Variants in IL15 observed in about 807,000 individuals in gnomAD.
IL15 encodes interleukin-15.
Under a neutral mutation model 19.6 loss-of-function variants are expected in IL15, and 11 were observed. That is an observed-to-expected ratio of 0.56 (90% CI 0.35 to 0.93). The LOEUF (loss-of-function observed/expected upper bound fraction) is 0.93. Ranked by LOEUF, IL15 falls within the 40% of genes least tolerant of loss-of-function variation. The pLI, the probability that IL15 is intolerant of heterozygous loss-of-function variation, is 0.01. For missense variants in IL15, 197 were observed against 186.5 expected, an observed-to-expected ratio of 1.06 and a Z score of -0.33; for synonymous variants, 58 against 59.6, an observed-to-expected ratio of 0.97 and a Z score of 0.12.
chr4:141,728,502 A>G (rs3775597), intron 6 of IL15, among the ~76,000 whole-genome samples: 20,609 of 152,112 alleles, frequency 0.14, 1,857 homozygotes, highest in East Asian at 0.41. Flanking sequence ...GAACTGAAAA[A>G]TGGTCTTGAA....
intron 6 of IL15, among the ~76,000 whole-genome samples, chr4:141,729,353 A>G (rs986124070): frequency 6.6e-6 from 1 of 152,138 alleles, no homozygotes; most frequent in East Asian, 1.9e-4. Context: ...CTGTAAGTGG[A>G]CACTAGTCCT....
At chr4:141,678,200 T>A (rs1728415044) in intron 2 of IL15, among the ~76,000 whole-genome samples, 1 of 152,226 alleles carries the variant, frequency 6.6e-6, no homozygotes. Flanking sequence ...GGTTTTGTTA[T>A]GCCCCATATA....
intron 2 of IL15, among the ~76,000 whole-genome samples, chr4:141,685,010 T>C (rs1005656664): frequency 3.3e-5 from 5 of 152,094 alleles, no homozygotes; most frequent in African/African-American, 1.2e-4. Flanking sequence ...CAAAACCAAG[T>C]AGGGAATTAC....
chr4:141,710,778 T>C (rs1729691178), intron 2 of IL15, among the ~76,000 whole-genome samples: 1 of 152,160 alleles, frequency 6.6e-6, no homozygotes, highest in Non-Finnish European at 1.5e-5. Flanking sequence ...AAATTATACA[T>C]GTCTGGCTTG....
intron 2 of IL15, among the ~76,000 whole-genome samples, chr4:141,667,920 T>G (rs910378832): frequency 6.6e-6 from 1 of 152,218 alleles, no homozygotes; most frequent in Non-Finnish European, 1.5e-5. Context: ...ATTCTTTCTC[T>G]TATTTTAATT....
chr4:141,694,790 A>C (rs1364186148), intron 2 of IL15, among the ~76,000 whole-genome samples: 1 of 152,126 alleles, frequency 6.6e-6, no homozygotes, highest in Admixed American at 6.5e-5. Flanking sequence ...ACTTTCAAAA[A>C]ACTCTGGACT....
At chr4:141,719,512 T>C in intron 3 of IL15, 36 bp downstream of exon 3, 1 of 1,336,006 alleles carries the variant, frequency 7.5e-7, no homozygotes, top group Non-Finnish European at 1.1e-6. Context: ...TCCTATGGAA[T>C]TTCCCTTAAA....
chr4:141,693,458 A>AT, intron 2 of IL15, among the ~76,000 whole-genome samples: 1 of 152,350 alleles, frequency 6.6e-6, no homozygotes, highest in Non-Finnish European at 1.5e-5. Context: ...CCTGACACAT[A>AT]CGGGATATTC....
chr4:141,675,238 G>A (rs1159024358), intron 2 of IL15, among the ~76,000 whole-genome samples: 1 of 151,256 alleles, frequency 6.6e-6, no homozygotes, highest in East Asian at 1.9e-4. Flanking sequence ...GGAGATACTA[G>A]TCTCTTTTAT....
At chr4:141,694,102 C>T (rs1463553637) in intron 2 of IL15, among the ~76,000 whole-genome samples, 1 of 152,112 alleles carries the variant, frequency 6.6e-6, no homozygotes, top group African/African-American at 2.4e-5. Flanking sequence ...GGTAGTGGCA[C>T]AGTTTATCTA....
At chr4:141,651,251 A>T (rs1388391995) in intron 1 of IL15, among the ~76,000 whole-genome samples, 1 of 152,010 alleles carries the variant, frequency 6.6e-6, no homozygotes, top group Non-Finnish European at 1.5e-5. Flanking sequence ...CTATTCAGCC[A>T]TAAAAATATT....
intron 2 of IL15, among the ~76,000 whole-genome samples, chr4:141,673,016 G>A (rs1304540727): frequency 6.6e-6 from 1 of 152,142 alleles, no homozygotes; most frequent in African/African-American, 2.4e-5. Flanking sequence ...GCTGCTGTGA[G>A]CTTTTCTTTC....
chr4:141,710,783 G>GC (rs1047480282), intron 2 of IL15, among the ~76,000 whole-genome samples: 88 of 151,124 alleles, frequency 5.8e-4, no homozygotes, highest in African/African-American at 2.0e-3. Context: ...ATACATGTCT[G>GC]GCTTGGGTTT....
rs1002697099 is a variant in IL15 at position 141,683,579 on chromosome 4, AAAAAAAG to A, written c.-100+27286_-100+27292del. On this transcript the variant is annotated intron_variant, in intron 2 of 7. Transcript: ENST00000320650. ...GAGTGAGATTCCGTCTCTAAAAAAA[AAAAAAAG>A]AAAAAAGAAAAAAAAACAATAGTGG... 7.9e-5 allele frequency among the ~76,000 whole-genome samples: 12 copies of A among 152,098 alleles called. No individual in the cohort carries two copies. The South Asian group carries it at 1.9e-3, about 24-fold the overall frequency.
chr4:141,644,734 C>T (rs1377088805), intron 1 of IL15, among the ~76,000 whole-genome samples: 1 of 152,096 alleles, frequency 6.6e-6, no homozygotes, highest in Admixed American at 6.6e-5. Context: ...TGACCTTCCC[C>T]TTGTCCCAAC....
chr4:141,655,598 C>A (rs1727563612), intron 1 of IL15, among the ~76,000 whole-genome samples: 3 of 151,884 alleles, frequency 2.0e-5, no homozygotes, highest in African/African-American at 4.8e-5. Flanking sequence ...AGTTGGATTA[C>A]CCTTATAAAA....
chr4:141,720,656 A>G, intron 4 of IL15, 90 bp downstream of exon 4: 2 of 803,036 alleles, frequency 2.5e-6, no homozygotes, highest in Non-Finnish European at 4.4e-6. Context: ...GTTTACGTTC[A>G]GTTTGCTTAT....
At chr4:141,654,221 C>T (rs1233192565) in intron 1 of IL15, among the ~76,000 whole-genome samples, 1 of 152,154 alleles carries the variant, frequency 6.6e-6, no homozygotes, top group East Asian at 1.9e-4. Context: ...AACAGGGAGC[C>T]CTCTAGAGGC....
At chr4:141,654,582 A>G (rs947217675) in intron 1 of IL15, among the ~76,000 whole-genome samples, 9 of 152,144 alleles carry the variant, frequency 5.9e-5, no homozygotes, top group Admixed American at 1.3e-4. Context: ...CCATTTCAGT[A>G]TGTGCTAATT....
Sources: gnomAD v4.1 joint callset for allele counts (sites outside exome capture counted in the v4.1 genomes callset) on GRCh38, gnomAD v4.1.1 for gene constraint, MANE v1.5 for transcripts, NCBI Gene and HGNC (gene_info 2026-07-23, HGNC 2026-07-21) for gene names.